The following ADCK2 variants were observed in gnomAD, a reference collection of about 807,000 sequenced individuals.
The protein encoded by ADCK2 is aarF domain containing kinase 2.
Under a neutral mutation model 52.3 loss-of-function variants are expected in ADCK2, and 37 were observed. The observed-to-expected ratio is 0.71, with a 90% CI of 0.54 to 0.93. The LOEUF (loss-of-function observed/expected upper bound fraction) is 0.93. Ranked by LOEUF, ADCK2 falls within the 40% of genes least tolerant of loss-of-function variation. The pLI, the probability that ADCK2 is intolerant of heterozygous loss-of-function variation, is 0.00. For synonymous variants in ADCK2, 321 were observed against 349.2 expected, an observed-to-expected ratio of 0.92 and a Z score of 0.90; for missense variants, 695 against 798.7, an observed-to-expected ratio of 0.87 and a Z score of 1.56.
At chr7:140,686,858 C>T in intron 4 of ADCK2, 132 bp from the exon 5 acceptor site, 1 of 1,199,226 alleles carries the variant, frequency 8.3e-7, no homozygotes. Flanking sequence ...CAAGAAGGGT[C>T]TATAGGACAT....
intron 4 of ADCK2, among the ~76,000 whole-genome samples, chr7:140,681,761 A>C (rs534103489): frequency 2.0e-5 from 3 of 152,076 alleles, no homozygotes; most frequent in Non-Finnish European, 4.4e-5. Flanking sequence ...AGTAGCTGGG[A>C]CTACAAACAT....
intron 2 of ADCK2, among the ~76,000 whole-genome samples, chr7:140,676,439 C>T (rs1794418794): frequency 6.6e-6 from 1 of 152,192 alleles, no homozygotes; most frequent in Non-Finnish European, 1.5e-5. Context: ...GAGAAAATAG[C>T]ATCGATTCCA....
rs746218817 is a variant in ADCK2 at position 140,673,936 on chromosome 7, C to T, written c.606C>T (p.Asn202=). ...DDWGSILSFE[N]REPVGSGCVA... is the part of the protein sequence containing the mutation. ...GGGGGAGCATCCTCTCTTTTGAGAA[C>T]CGGGAACCTGTGGGCTCAGGCTGCG... Residue 202 remains asparagine (N), a synonymous_variant, in exon 1 of 8, where the codon AAC becomes AAT. Coordinates refer to ENST00000072869, the MANE Select transcript of ADCK2 (RefSeq NM_052853.4). This position sits in a 1 kb window ranked among gnomAD's most constrained non-coding sequence, Gnocchi z 6.4. The T allele has an allele frequency of 6.2e-7, 1 of 1,613,988 alleles. No homozygotes were observed. The highest frequency in any genetic ancestry group is 8.5e-7 in the Non-Finnish European group (1 of 1,180,046).
At chr7:140,690,969 A>G (rs1033280724) in intron 7 of ADCK2, among the ~76,000 whole-genome samples, 156 bp downstream of exon 7, 4 of 151,778 alleles carry the variant, frequency 2.6e-5, no homozygotes, top group African/African-American at 9.7e-5. Context: ...TCTGTCGCCC[A>G]GGGTGGAGTG....
intron 3 of ADCK2, 132 bp downstream of exon 3, chr7:140,679,415 T>C: frequency 1.5e-6 from 2 of 1,351,120 alleles, no homozygotes; most frequent in Non-Finnish European, 2.0e-6. Context: ...GGAGCTGGGA[T>C]GTGTTGGCCT....
chr7:140,685,413 G>A (rs564828296), intron 4 of ADCK2, among the ~76,000 whole-genome samples: 1 of 151,044 alleles, frequency 6.6e-6, no homozygotes, highest in South Asian at 2.1e-4. Context: ...TCGCACCATT[G>A]TACTCTAGCC....
Position 140,674,847 on chromosome 7 carries a change from T to G in ADCK2, c.1080+90T>G. ...AGTAAATGTTGAATGAATAATTTTC[T>G]GGTATGTCATAACTCATGTGATGTG... On this transcript the variant is annotated intron_variant, in intron 2 of 7. Coordinates refer to ENST00000072869, the MANE Select transcript of ADCK2 (RefSeq NM_052853.4). This position sits in a 1 kb window ranked among gnomAD's most constrained non-coding sequence, Gnocchi z 4.6. 1 of 1,448,890 alleles carries G rather than the reference T, an allele frequency of 6.9e-7. No homozygotes were observed. Among genetic ancestry groups the G allele is most frequent in the East Asian group, 2.4e-5 (1 of 41,032 alleles). The allele number at this position is 1,448,890 out of a possible 1,614,324, so 89.8% of individuals were successfully genotyped here. A position where few individuals can be genotyped will look rare whatever the true frequency, so the allele number is the denominator to read the frequency against.
At chr7:140,692,087 C>T (rs1441462448) in intron 7 of ADCK2, among the ~76,000 whole-genome samples, 2 of 152,166 alleles carry the variant, frequency 1.3e-5, no homozygotes, top group Admixed American at 1.3e-4. Flanking sequence ...TAAAATTTAA[C>T]CCCCCAACCC....
chr7:140,683,278 C>T (rs995243064), intron 4 of ADCK2, among the ~76,000 whole-genome samples: 2 of 152,054 alleles, frequency 1.3e-5, no homozygotes, highest in African/African-American at 4.8e-5. Context: ...AGCGAGACTC[C>T]GTCTAAACAA....
Position 140,694,870 on chromosome 7 carries a change from C to A in ADCK2, c.*67C>A. 1 of 1,523,312 alleles carries A rather than the reference C, an allele frequency of 6.6e-7. No individual in the cohort carries two copies. The allele number at this position is 1,523,312 out of a possible 1,614,324, so 94.4% of individuals were successfully genotyped here. The stretch of plus-strand genomic sequence containing the variant: ...CCACTCCCAAGAGCCTCTCCTATGG[C>A]AGCTGGGACGTTTTAAAATTGGGAC... On this transcript the variant is annotated 3_prime_UTR_variant, in exon 8 of 8. Coordinates refer to ENST00000072869, the MANE Select transcript of ADCK2 (RefSeq NM_052853.4).
chr7:140,690,574 A>G (rs1794687215), intron 6 of ADCK2, among the ~76,000 whole-genome samples, 186 bp from the exon 7 acceptor site: 1 of 150,464 alleles, frequency 6.6e-6, no homozygotes, highest in African/African-American at 2.5e-5. Flanking sequence ...CTTGAGGTGG[A>G]GTTGGGCTTG....
intron 3 of ADCK2, among the ~76,000 whole-genome samples, chr7:140,679,810 T>A (rs1220704430): frequency 1.3e-5 from 2 of 151,318 alleles, no homozygotes; most frequent in East Asian, 4.0e-4. Context: ...GTAGCTGCGA[T>A]TACAGGTGTG....
At chr7:140,682,825 A>C (rs1163919769) in intron 4 of ADCK2, among the ~76,000 whole-genome samples, 5 of 124,394 alleles carry the variant, frequency 4.0e-5, no homozygotes, top group African/African-American at 1.5e-4. Context: ...CCCTGTCACT[A>C]CAAAAAAAAA....
chr7:140,679,372 G>T, intron 3 of ADCK2, 89 bp downstream of exon 3: 2 of 1,544,094 alleles, frequency 1.3e-6, no homozygotes, highest in Non-Finnish European at 8.8e-7. Flanking sequence ...TCAGTCTGGA[G>T]AGAGGATGGG....
chr7:140,677,293 A>C (rs1794436467), intron 2 of ADCK2, among the ~76,000 whole-genome samples: 1 of 152,084 alleles, frequency 6.6e-6, no homozygotes, highest in Non-Finnish European at 1.5e-5. Flanking sequence ...TTGTAATCCC[A>C]GCTACTCGAG....
intron 4 of ADCK2, among the ~76,000 whole-genome samples, chr7:140,685,910 G>A (rs989699953): frequency 1.3e-5 from 2 of 151,954 alleles, no homozygotes; most frequent in African/African-American, 2.4e-5. Context: ...ACAATCCCTG[G>A]GGGTTGCTGC....
chr7:140,694,493 G>A (rs1448987169), intron 7 of ADCK2, among the ~76,000 whole-genome samples, 170 bp from the exon 8 acceptor site: 1 of 152,154 alleles, frequency 6.6e-6, no homozygotes, highest in Non-Finnish European at 1.5e-5. Context: ...GGGCGAGTAG[G>A]TGAGATGGTT....
At chr7:140,677,058 A>AAACAAAC (rs1188479231) in intron 2 of ADCK2, among the ~76,000 whole-genome samples, 15 of 138,218 alleles carry the variant, frequency 1.1e-4, no homozygotes, top group East Asian at 6.4e-4. Flanking sequence ...AACAAACAAA[A>AAACAAAC]AACTCTGTTA....
At chr7:140,691,040 C>G (rs1794695165) in intron 7 of ADCK2, among the ~76,000 whole-genome samples, 1 of 152,070 alleles carries the variant, frequency 6.6e-6, no homozygotes, top group South Asian at 2.1e-4. Flanking sequence ...ATTCTCTTGC[C>G]TCAGTCTCCT....
Sources: allele counts gnomAD v4.1 joint callset (sites outside exome capture counted in the v4.1 genomes callset), GRCh38; gene constraint gnomAD v4.1.1; non-coding constraint Gnocchi (gnomAD v3.1); transcripts MANE v1.5; gene names NCBI Gene and HGNC (gene_info 2026-07-23, HGNC 2026-07-21).